The following FAM107A variants were observed in gnomAD, a reference collection of about 807,000 sequenced individuals.
FAM107A encodes the protein actin-associated protein FAM107A.
In FAM107A, 19 loss-of-function variants were observed where a neutral mutation model predicts 13.7. That is an observed-to-expected ratio of 1.38 (90% CI 0.97 to 2.03). The LOEUF (loss-of-function observed/expected upper bound fraction) is 2.03. Ranked by LOEUF, FAM107A falls within the 30% of genes most tolerant of loss-of-function variation. FAM107A has a pLI of 0.00. For synonymous variants in FAM107A, 82 were observed against 74.5 expected (o/e 1.10, Z -0.52); for missense variants, 203 against 184.4 (o/e 1.10, Z -0.58).
chr3:58,580,057 A>G (rs1209078908), upstream of FAM107A, among the ~76,000 whole-genome samples: 5 of 152,206 alleles, frequency 3.3e-5, no homozygotes, highest in Admixed American at 2.0e-4. Context: ...GTGCAACTGT[A>G]CGTGAGATCA....
In FAM107A at chr3:58,613,505, C is replaced by T. The variant is rs1469853067; in HGVS notation, c.-70+13911G>A. The stretch of plus-strand genomic sequence containing the variant: ...TCCTGCCCTGCCCAGCCCCTGCCTG[C>T]TGCTCTGGCCTGACCAACTTGCTCT... On this transcript the variant is annotated intron_variant, in intron 1 of 3. Coordinates refer to the FAM107A transcript ENST00000465970. This position sits in a 1 kb window ranked among gnomAD's most constrained non-coding sequence, Gnocchi z 4.6. Among the ~76,000 whole-genome samples, 1 of 152,216 alleles carries T rather than the reference C, an allele frequency of 6.6e-6. No homozygotes were observed. Among genetic ancestry groups the T allele is most frequent in the African/African-American group, 2.4e-5 (1 of 41,462 alleles).
upstream of FAM107A, chr3:58,587,186 A>G: frequency 8.6e-7 from 1 of 1,160,146 alleles, no homozygotes; most frequent in Non-Finnish European, 1.1e-6. Flanking sequence ...GTCTGCAGTG[A>G]GGACTCCTAG....
chr3:58,627,253 C>T (rs1382697360), intron 1 of FAM107A: 1 of 512,462 alleles, frequency 2.0e-6, no homozygotes, highest in Non-Finnish European at 3.5e-6. Context: ...TCTTGGGTCC[C>T]TGCAGCTCCT....
intron 1 of FAM107A, chr3:58,586,792 G>C: frequency 1.4e-6 from 2 of 1,455,756 alleles, no homozygotes; most frequent in Non-Finnish European, 1.8e-6. Context: ...CAGGGACTGA[G>C]CGCCGTGCAC....
In FAM107A at chr3:58,617,062, G is replaced by A. The variant is rs972984024; in HGVS notation, c.-70+10354C>T. On this transcript the variant is annotated intron_variant, in intron 1 of 3. Transcript: ENST00000465970. This position sits in a 1 kb window ranked among gnomAD's most constrained non-coding sequence, Gnocchi z 4.5. ...GCTGGGATTACAGGCGTGAGCCACC[G>A]CGCCTGGCCTCGGCTACCCAGTTTC... is the stretch of plus-strand genomic sequence containing the variant. 6.6e-4 allele frequency among the ~76,000 whole-genome samples: 100 copies of A among 152,288 alleles called. No individual in the cohort carries two copies. The highest frequency in any genetic ancestry group is 2.2e-3 in the African/African-American group (90 of 41,570).
intron 1 of FAM107A, among the ~76,000 whole-genome samples, chr3:58,583,648 C>T (rs1377575814): frequency 6.6e-6 from 1 of 151,958 alleles, no homozygotes; most frequent in African/African-American, 2.4e-5. Context: ...TTTTGAAATA[C>T]CTTGGGATAA....
chr3:58,570,456 G>T, intron 1 of FAM107A: 1 of 775,118 alleles, frequency 1.3e-6, no homozygotes, highest in Non-Finnish European at 1.6e-6. Flanking sequence ...CAAATGTTTG[G>T]CTACTCAATG....
In FAM107A at chr3:58,574,741, G is replaced by A. The variant is rs138848666; in HGVS notation, c.-6+2568C>T. 2.0e-4 allele frequency among the ~76,000 whole-genome samples: 31 copies of A among 152,290 alleles called. No individual in the cohort carries two copies. The East Asian group carries it at 5.4e-3, about 27-fold the overall frequency. ...TTTCCTGGGGTGGGGATAATAAGGG[G>A]TCTGAGGAAAGATTTGGAACCCCTT... On this transcript the variant is annotated intron_variant, in intron 1 of 3. Transcript: ENST00000360997.
rs144658202 is a variant in FAM107A, at chr3:58,597,916, G to A, written c.-69-8647C>T. ...CTCAGGAGCTTTTGTGTGTGTGTGA[G>A]ATGGCAAGAGCCTGCACCCATTTTA... On this transcript the variant is annotated intron_variant, in intron 1 of 3. Transcript: ENST00000465970. Among the ~76,000 whole-genome samples the A allele has an allele frequency of 3.9e-5, 6 of 152,344 alleles. No homozygotes were observed. The East Asian group carries it at 1.2e-3, about 29-fold the overall frequency.
Position 58,566,493 on chromosome 3 carries a change from T to C in FAM107A, c.*95A>G. The C allele has an allele frequency of 1.2e-6, 1 of 848,334 alleles. No homozygotes were observed. Among genetic ancestry groups the C allele is most frequent in the Non-Finnish European group, 2.0e-6 (1 of 511,098 alleles). 52.6% of individuals were successfully genotyped at this position (848,334 alleles called of 1,614,324 possible). A position where few individuals can be genotyped will look rare whatever the true frequency, so the allele number is the denominator to read the frequency against. ...GAAGCAGGTGGGAACATCACAGACG[T>C]CCCAGGGCCTGGGGCCCAGGGCTGC... is the stretch of plus-strand genomic sequence containing the variant. On this transcript the variant is annotated 3_prime_UTR_variant, in exon 4 of 4. Coordinates refer to ENST00000360997, the MANE Select transcript of FAM107A (RefSeq NM_001076778.3).
At chr3:58,616,309 C>T (rs1381157917) in intron 1 of FAM107A, among the ~76,000 whole-genome samples, 1 of 151,806 alleles carries the variant, frequency 6.6e-6, no homozygotes, top group Non-Finnish European at 1.5e-5. Context: ...TTCAGGTGCC[C>T]GAGAAGAATG....
chr3:58,587,170 G>A (rs2065616989), upstream of FAM107A: 3 of 1,290,442 alleles, frequency 2.3e-6, no homozygotes, highest in South Asian at 3.8e-5. Context: ...CAGGGCGCGG[G>A]TGAACGTCTG....
rs746537453 is a variant in FAM107A at position 58,569,835 on chromosome 3, C to G, written c.26G>C (p.Arg9Pro). ...GGCCATCAGGCCCCCAATGTCTGCC[C>G]GCTCCCTCTGGATCTCCGAGTACAT... The part of the protein sequence containing the change: MYSEIQRE[R>P]ADIGGLMARP... The change falls in exon 2 of 4, where the codon CGG (arginine) becomes CCG (proline). Residue 9 changes from arginine (R) to proline (P), a missense_variant. Coordinates refer to ENST00000360997, the MANE Select transcript of FAM107A (RefSeq NM_001076778.3). This position sits in a 1 kb window ranked among gnomAD's most constrained non-coding sequence, Gnocchi z 5.7. 5 of 1,614,042 alleles carry G rather than the reference C, an allele frequency of 3.1e-6. No individual in the cohort carries two copies. The highest frequency in any genetic ancestry group is 1.7e-5 in the Admixed American group (1 of 60,010).
At chr3:58,577,427 G>A (rs2063740223), upstream of FAM107A, 1 of 985,180 alleles carries the variant, frequency 1.0e-6, no homozygotes, top group African/African-American at 1.7e-5. This position sits in a 1 kb window ranked among gnomAD's most constrained non-coding sequence, Gnocchi z 4.9. Context: ...TTAAACCCCT[G>A]GGAACGGAGG....
At chr3:58,576,074 C>CT (rs1173354582) in intron 1 of FAM107A, among the ~76,000 whole-genome samples, 2 of 152,242 alleles carry the variant, frequency 1.3e-5, no homozygotes, top group Non-Finnish European at 2.9e-5. Flanking sequence ...ACCCTTCTGG[C>CT]TTTTTTCCTC....
rs933567172 is a variant in FAM107A, at chr3:58,621,292, C to T, written c.-70+6124G>A. Among the ~76,000 whole-genome samples, 5 of 152,272 alleles carry T rather than the reference C, an allele frequency of 3.3e-5. No homozygotes were observed. In the South Asian group the frequency reaches 1.0e-3, roughly 32 times the overall value. ...GTGGCCTCCCATGCACAGATGTCAC[C>T]TTGGCTGGCACTAAGGACTGGGGCC... On this transcript the variant is annotated intron_variant, in intron 1 of 3. Coordinates refer to the FAM107A transcript ENST00000465970.
intron 2 of FAM107A, among the ~76,000 whole-genome samples, chr3:58,568,421 C>T (rs183448437): frequency 2.8e-3 from 413 of 149,834 alleles, no homozygotes; most frequent in African/African-American, 1.0e-2. Flanking sequence ...GGCGACAGAG[C>T]GAGACTTCAT....
At chr3:58,574,751 A>G (rs1047119139) in intron 1 of FAM107A, among the ~76,000 whole-genome samples, 1 of 152,156 alleles carries the variant, frequency 6.6e-6, no homozygotes, top group African/African-American at 2.4e-5. Flanking sequence ...GTCTGAGGAA[A>G]GATTTGGAAC....
chr3:58,593,526 A>T (rs1233266448), intron 1 of FAM107A, among the ~76,000 whole-genome samples: 1 of 152,038 alleles, frequency 6.6e-6, no homozygotes, highest in Non-Finnish European at 1.5e-5. Flanking sequence ...CTTGAAGCGG[A>T]TAGAAGATCT....
Sources: allele counts gnomAD v4.1 joint callset (sites outside exome capture counted in the v4.1 genomes callset), GRCh38; gene constraint gnomAD v4.1.1; non-coding constraint Gnocchi (gnomAD v3.1); transcripts MANE v1.5; gene names NCBI Gene and HGNC (gene_info 2026-07-23, HGNC 2026-07-21).